The following CEP85L variants were observed in gnomAD, a reference collection of about 807,000 sequenced individuals.
CEP85L encodes the protein centrosomal protein 85L.
CEP85L carries 60 observed loss-of-function variants against 100.3 expected under a neutral mutation model. That is an observed-to-expected ratio of 0.60 (90% confidence interval 0.49 to 0.74). CEP85L has a LOEUF of 0.74. CEP85L is among the 30% of genes least tolerant of loss of function. CEP85L has a pLI of 0.00. For synonymous variants in CEP85L, 319 were observed against 322.7 expected (o/e 0.99, Z 0.12); for missense variants, 973 against 936.2 (o/e 1.04, Z -0.51).
chr6:118,495,136 A>C (rs528327068), intron 5 of CEP85L, among the ~76,000 whole-genome samples: 1 of 151,884 alleles, frequency 6.6e-6, no homozygotes, highest in East Asian at 1.9e-4. Flanking sequence ...AAAAAAAAAA[A>C]CCTTAAAAAA....
intron 6 of CEP85L, among the ~76,000 whole-genome samples, chr6:118,484,485 C>G (rs1774030333): frequency 6.6e-6 from 1 of 152,124 alleles, no homozygotes; most frequent in African/African-American, 2.4e-5. Flanking sequence ...CAAATTTGGT[C>G]AAGGCTGTTC....
intron 3 of CEP85L, among the ~76,000 whole-genome samples, chr6:118,542,923 A>AAAAAAAAAAAAAAAAAAAC (rs1554216838): frequency 8.3e-5 from 12 of 143,930 alleles, no homozygotes; most frequent in Non-Finnish European, 1.5e-4. Context: ...AAAAAAAAAA[A>AAAAAAAAAAAAAAAAAAAC]CAGGATATTC....
At chr6:118,512,282 C>T (rs929962868) in intron 4 of CEP85L, among the ~76,000 whole-genome samples, 2 of 152,078 alleles carry the variant, frequency 1.3e-5, no homozygotes, top group African/African-American at 4.8e-5. Flanking sequence ...TCACAGTACT[C>T]GATAACCCTT....
At chr6:118,595,369 T>G (rs10457340) in intron 2 of CEP85L, among the ~76,000 whole-genome samples, 2 of 152,180 alleles carry the variant, frequency 1.3e-5, no homozygotes, top group Non-Finnish European at 2.9e-5. Context: ...TGTTAGTGTC[T>G]CAATTTAGCA....
At chr6:118,694,338 TAATATAAAATAATGATGAGAAAG>T (rs1446595987) in intron 1 of CEP85L, among the ~76,000 whole-genome samples, 5 of 152,174 alleles carry the variant, frequency 3.3e-5, no homozygotes, top group African/African-American at 1.2e-4. Context: ...TACCACCACT[TAATATAAAATAATGATGAGAAAG>T]AAAAAATAAA....
intron 1 of CEP85L, among the ~76,000 whole-genome samples, chr6:118,633,638 T>C (rs150947614): frequency 6.6e-6 from 1 of 152,228 alleles, no homozygotes; most frequent in African/African-American, 2.4e-5. Flanking sequence ...ACTTATTTTA[T>C]TGTCTAGTAC....
rs142252964 is a variant in CEP85L, at chr6:118,683,802, A to G, written c.-28+26234T>C. On this transcript the variant is annotated intron_variant, in intron 1 of 13. Coordinates refer to the CEP85L transcript ENST00000368488. The stretch of plus-strand genomic sequence containing the variant: ...ACTCAGCTGCTTCTTGCAAACTTCA[A>G]CCTGTGGGGTAAAGAGACATTTGTT... 3.9e-5 allele frequency among the ~76,000 whole-genome samples: 6 copies of G among 152,296 alleles called. No homozygotes were observed. In the East Asian group the frequency reaches 9.6e-4, roughly 24 times the overall value.
chr6:118,517,034 T>C (rs1776324380), intron 4 of CEP85L, among the ~76,000 whole-genome samples: 1 of 152,220 alleles, frequency 6.6e-6, no homozygotes, highest in Non-Finnish European at 1.5e-5. Flanking sequence ...TTTCATCAGG[T>C]TTGTCAAAGA....
At chr6:118,575,321 T>C (rs1175692819) in intron 2 of CEP85L, among the ~76,000 whole-genome samples, 1 of 152,206 alleles carries the variant, frequency 6.6e-6, no homozygotes, top group Non-Finnish European at 1.5e-5. Context: ...GTTGCTTTAT[T>C]TAAACCAAAG....
intron 1 of CEP85L, among the ~76,000 whole-genome samples, chr6:118,635,960 T>C (rs1039394488): frequency 1.1e-4 from 16 of 152,340 alleles, no homozygotes; most frequent in East Asian, 5.8e-4. Context: ...TAATTAACTA[T>C]TGCCAGAAAA....
intron 1 of CEP85L, among the ~76,000 whole-genome samples, chr6:118,693,350 T>C (rs1012563736): frequency 1.3e-5 from 2 of 152,238 alleles, no homozygotes; most frequent in Non-Finnish European, 2.9e-5. Context: ...TCCTTAATTT[T>C]TTATACCAGC....
intron 5 of CEP85L, among the ~76,000 whole-genome samples, chr6:118,510,326 A>G (rs1300687901): frequency 6.6e-6 from 1 of 152,160 alleles, no homozygotes; most frequent in African/African-American, 2.4e-5. Context: ...TTTTCAAATT[A>G]AATTATAGAC....
At chr6:118,529,608 C>CAAAA (rs55732442) in intron 3 of CEP85L, among the ~76,000 whole-genome samples, 17 of 92,530 alleles carry the variant, frequency 1.8e-4, no homozygotes, top group African/African-American at 4.8e-4. Context: ...ACTCTGTCTC[C>CAAAA]AAAAAAAAAA....
intron 10 of CEP85L, among the ~76,000 whole-genome samples, chr6:118,477,734 C>T (rs758853442): frequency 2.0e-5 from 3 of 152,020 alleles, no homozygotes; most frequent in Non-Finnish European, 4.4e-5. Context: ...TCTTTGTCTA[C>T]TGAATACTCT....
intron 1 of CEP85L, among the ~76,000 whole-genome samples, chr6:118,665,715 A>G (rs1776113456): frequency 6.6e-6 from 1 of 152,154 alleles, no homozygotes; most frequent in African/African-American, 2.4e-5. Flanking sequence ...TTCAAATGCC[A>G]GGGTACTCAG....
At chr6:118,635,040 T>C (rs1158138193) in intron 1 of CEP85L, among the ~76,000 whole-genome samples, 1 of 152,158 alleles carries the variant, frequency 6.6e-6, no homozygotes, top group Non-Finnish European at 1.5e-5. Context: ...TGTTCGTATA[T>C]TTTTGTGGCC....
chr6:118,599,238 A>G (rs1234188791), intron 2 of CEP85L, among the ~76,000 whole-genome samples: 1 of 152,180 alleles, frequency 6.6e-6, no homozygotes, highest in African/African-American at 2.4e-5. Flanking sequence ...TAGGACTAAG[A>G]TGAACATGGA....
chr6:118,590,727 C>T (rs753470479), intron 2 of CEP85L, among the ~76,000 whole-genome samples: 3 of 152,122 alleles, frequency 2.0e-5, no homozygotes, highest in Non-Finnish European at 2.9e-5. Flanking sequence ...ATTTGTGTAT[C>T]CATGCACCTA....
At chr6:118,652,484 T>C (rs1775624042), upstream of CEP85L, 4 of 1,319,132 alleles carry the variant, frequency 3.0e-6, no homozygotes, top group African/African-American at 6.1e-5. Flanking sequence ...AGCACTGTGG[T>C]GGGAGGCGGG....
Sources: allele counts gnomAD v4.1 joint callset (sites outside exome capture counted in the v4.1 genomes callset), GRCh38; gene constraint gnomAD v4.1.1; transcripts MANE v1.5; gene names NCBI Gene and HGNC (gene_info 2026-07-23, HGNC 2026-07-21).